The following IL19 variants were observed in gnomAD, a reference collection of about 807,000 sequenced individuals.
IL19 encodes the protein interleukin-19.
In IL19, 15 loss-of-function variants were observed where a neutral mutation model predicts 19.5. That is an observed-to-expected ratio of 0.77 (90% CI 0.52 to 1.19). IL19 has a LOEUF of 1.19. IL19 is among the 50% of genes most tolerant of loss of function. The pLI is 0.00. For synonymous variants in IL19, 78 were observed against 78.3 expected, an observed-to-expected ratio of 1.00 and a Z score of 0.02; for missense variants, 199 against 213.1, an observed-to-expected ratio of 0.93 and a Z score of 0.41.
rs1206718508 is a variant in IL19 at position 206,842,928 on chromosome 1, G to A, written c.*306G>A. On this transcript the variant is annotated 3_prime_UTR_variant, in exon 7 of 7. Transcript: ENST00000659997. Reference sequence around the variant, plus strand: ...GATGTGAGCCAAGTGATATCCTGTAGTACACATTGTACTGAGTGGTTTTTC... The same window carrying A: ...GATGTGAGCCAAGTGATATCCTGTAATACACATTGTACTGAGTGGTTTTTC... The A allele has an allele frequency of 5.0e-6, 1 of 200,376 alleles. No individual in the cohort carries two copies. The highest frequency in any genetic ancestry group is 2.3e-5 in the African/African-American group (1 of 43,302). The allele number at this position is 200,376 out of a possible 1,614,324, so 12.4% of individuals were successfully genotyped here. A position where few individuals can be genotyped will look rare whatever the true frequency, so the allele number is the denominator to read the frequency against.
At chr1:206,782,862 C>T (rs553654521) in intron 1 of IL19, among the ~76,000 whole-genome samples, 1 of 152,340 alleles carries the variant, frequency 6.6e-6, no homozygotes, top group South Asian at 2.1e-4. Context: ...ATTCTCCTCT[C>T]TCCCTCCTCT....
chr1:206,825,349 CA>C (rs1272353843), intron 2 of IL19, among the ~76,000 whole-genome samples: 1 of 152,222 alleles, frequency 6.6e-6, no homozygotes, highest in Non-Finnish European at 1.5e-5. Context: ...GGCTGTGAGT[CA>C]AAATGATTGA....
Position 206,841,031 on chromosome 1 carries a change from C to G in IL19, c.391C>G (p.Gln131Glu). ...CQEQRQCHCRQEATNATRVIH... is the reference protein window; with the variant it reads ...CQEQRQCHCREEATNATRVIH... ...GGAACAGAGGCAGTGTCACTGCAGG[C>G]AGGAAGCCACCAATGCCACCAGAGT... The change falls in exon 6 of 7, where the codon CAG (glutamine) becomes GAG (glutamate). Residue 131 changes from glutamine (Q) to glutamate (E), a missense_variant. Gln to Glu is a conservative substitution (Grantham distance 29). Transcript: ENST00000659997. The G allele has an allele frequency of 6.2e-7, 1 of 1,614,052 alleles. No individual in the cohort carries two copies. Among genetic ancestry groups the G allele is most frequent in the Non-Finnish European group, 8.5e-7 (1 of 1,179,926 alleles).
intron 2 of IL19, among the ~76,000 whole-genome samples, chr1:206,824,674 G>A (rs79489787): frequency 0.044 from 6,773 of 152,260 alleles, 540 homozygotes; most frequent in African/African-American, 0.16. Flanking sequence ...CCATTTCTCC[G>A]GATGAGGAAA....
rs113357741 is a variant in IL19, at chr1:206,797,973, G to A, written c.-148-888G>A. 1.8e-3 allele frequency among the ~76,000 whole-genome samples: 273 copies of A among 152,306 alleles called. 2 individuals are homozygous for A. Among genetic ancestry groups the A allele is most frequent in the African/African-American group, 6.2e-3 (256 of 41,548 alleles). ...TTCAGAGCTAGCTAGTGGCAGAGCC[G>A]TGACTCACAGGCCACAGACCTCCTG... On this transcript the variant is annotated intron_variant, in intron 1 of 6. Coordinates refer to ENST00000659997, the MANE Select transcript of IL19 (RefSeq NM_153758.5).
At chr1:206,782,156 C>A (rs1410404113) in intron 1 of IL19, among the ~76,000 whole-genome samples, 1 of 151,410 alleles carries the variant, frequency 6.6e-6, no homozygotes, top group African/African-American at 2.4e-5. Flanking sequence ...CAATAATAAA[C>A]CCTTACATGT....
chr1:206,817,730 T>C (rs1191358239), intron 2 of IL19, among the ~76,000 whole-genome samples: 1 of 151,838 alleles, frequency 6.6e-6, no homozygotes, highest in Non-Finnish European at 1.5e-5. Flanking sequence ...CAAGGAGATA[T>C]AGAAAAATTT....
chr1:206,772,492 T>C, intron 1 of IL19: 1 of 1,521,734 alleles, frequency 6.6e-7, no homozygotes, highest in Non-Finnish European at 9.1e-7. Flanking sequence ...GCCCCTGATG[T>C]GTAGACCTTC....
At chr1:206,804,325 G>A (rs1311186427) in intron 2 of IL19, among the ~76,000 whole-genome samples, 1 of 152,172 alleles carries the variant, frequency 6.6e-6, no homozygotes, top group African/African-American at 2.4e-5. Flanking sequence ...AATGAACCTG[G>A]AGATCCTTTC....
At chr1:206,829,974 G>A (rs4845143) in intron 2 of IL19, among the ~76,000 whole-genome samples, 1 of 152,070 alleles carries the variant, frequency 6.6e-6, no homozygotes, top group African/African-American at 2.4e-5. Context: ...GGCCAGTTTG[G>A]ATTTCCTTAA....
intron 2 of IL19, 30 bp from the exon 3 acceptor site, chr1:206,836,631 T>C (rs768190770): frequency 6.3e-7 from 1 of 1,578,330 alleles, no homozygotes; most frequent in African/African-American, 1.4e-5. Context: ...CACTCTTGGC[T>C]GGACAGCTGA....
At chr1:206,802,430 C>G (rs1675736301) in intron 2 of IL19, among the ~76,000 whole-genome samples, 1 of 151,936 alleles carries the variant, frequency 6.6e-6, no homozygotes, top group African/African-American at 2.4e-5. Context: ...ATTACCTCAT[C>G]AAAACGAACA....
chr1:206,810,549 G>T (rs1675978243), intron 2 of IL19, among the ~76,000 whole-genome samples: 1 of 152,218 alleles, frequency 6.6e-6, no homozygotes. Flanking sequence ...TCTCTGAAAA[G>T]CTCTGTGGTG....
chr1:206,839,954 C>G lies in IL19; in HGVS notation c.315C>G (p.Ser105Arg), dbSNP rs1459298965. The G allele has an allele frequency of 6.8e-6, 11 of 1,614,178 alleles. No homozygotes were observed. The highest frequency in any genetic ancestry group is 8.5e-6 in the Non-Finnish European group (10 of 1,180,016). Reference protein sequence around the residue: ...EPNPKILRKISSIANSFLYMQ... With the variant: ...EPNPKILRKIRSIANSFLYMQ... The stretch of plus-strand genomic sequence containing the variant: ...ACCCCAAAATCTTGAGAAAAATCAG[C>G]AGCATTGCCAACTCTTTCCTCTACA... The change falls in exon 5 of 7, where the codon AGC (serine) becomes AGG (arginine). Residue 105 changes from serine (S) to arginine (R), a missense_variant. By Grantham distance (110) the Ser-to-Arg change is moderately radical. Transcript: ENST00000659997.
chr1:206,822,226 G>A (rs185661889), intron 2 of IL19, among the ~76,000 whole-genome samples: 1 of 152,292 alleles, frequency 6.6e-6, no homozygotes, highest in East Asian at 1.9e-4. Context: ...GGAGAAGGGC[G>A]ATAGGGAAAC....
At chr1:206,818,057 C>A (rs1676207190) in intron 2 of IL19, among the ~76,000 whole-genome samples, 1 of 152,148 alleles carries the variant, frequency 6.6e-6, no homozygotes, top group Non-Finnish European at 1.5e-5. Context: ...AGCCACCACG[C>A]CCGGCCAATT....
intron 2 of IL19, among the ~76,000 whole-genome samples, chr1:206,810,225 A>C (rs929620648): frequency 2.6e-5 from 4 of 152,228 alleles, no homozygotes; most frequent in African/African-American, 9.6e-5. Context: ...GATTGAATTT[A>C]TTGGGGGTAT....
chr1:206,823,433 C>T (rs1481194322), intron 2 of IL19, among the ~76,000 whole-genome samples: 1 of 151,808 alleles, frequency 6.6e-6, no homozygotes, highest in Non-Finnish European at 1.5e-5. Context: ...CGTGCGCCTG[C>T]AGTCCCAGCT....
chr1:206,838,283 C>G (rs1572576300), intron 4 of IL19, among the ~76,000 whole-genome samples: 1 of 152,152 alleles, frequency 6.6e-6, no homozygotes, highest in Admixed American at 6.5e-5. Context: ...GAGAGCTCCT[C>G]CAGTCCTGGG....
Sources: gnomAD v4.1 joint callset for allele counts (sites outside exome capture counted in the v4.1 genomes callset) on GRCh38, gnomAD v4.1.1 for gene constraint, MANE v1.5 for transcripts, NCBI Gene and HGNC (gene_info 2026-07-23, HGNC 2026-07-21) for gene names.